The following HS6ST3 variants were observed in gnomAD, a reference collection of about 807,000 sequenced individuals.
HS6ST3 encodes the protein heparan-sulfate 6-O-sulfotransferase 3.
A neutral mutation model predicts 36.7 loss-of-function variants in HS6ST3; 12 were observed. The ratio of observed to expected loss-of-function variants is 0.33; its 90% CI spans 0.21 to 0.53. The LOEUF is 0.53. Ranked by LOEUF, HS6ST3 falls within the 20% of genes least tolerant of loss-of-function variation. HS6ST3 has a pLI of 0.95. For synonymous variants in HS6ST3, 240 were observed against 257.5 expected, an observed-to-expected ratio of 0.93 and a Z score of 0.65; for missense variants, 584 against 640.9, an observed-to-expected ratio of 0.91 and a Z score of 0.96.
chr13:96,788,283 G>A lies in HS6ST3; in HGVS notation c.708-44207G>A, dbSNP rs562392302. On this transcript the variant is annotated intron_variant, in intron 1 of 1. Transcript: ENST00000376705. ...CTATATCTATGAGACATCCTCCTGAGATTTTGATTGGTATTTCACTAAATT... is the reference window on the plus strand; with the variant it reads ...CTATATCTATGAGACATCCTCCTGAAATTTTGATTGGTATTTCACTAAATT... 3.3e-5 allele frequency among the ~76,000 whole-genome samples: 5 copies of A among 151,994 alleles called. No homozygotes were observed. The East Asian group carries it at 9.7e-4, about 29-fold the overall frequency.
chr13:96,541,467 CG>C (rs1297259796), intron 1 of HS6ST3, among the ~76,000 whole-genome samples: 27 of 152,190 alleles, frequency 1.8e-4, no homozygotes, highest in African/African-American at 6.5e-4. Context: ...TGAAAATGTA[CG>C]GGGATTTGGG....
rs569789632 is a variant in HS6ST3 at position 96,156,812 on chromosome 13, AT to A, written c.707+65244del. Reference sequence around the variant, plus strand: ...CATTCATAGCTCATTCAGTAATTACATGAGAAAATATATTAAGAGCTCATAG... The same window carrying A: ...CATTCATAGCTCATTCAGTAATTACAGAGAAAATATATTAAGAGCTCATAG... On this transcript the variant is annotated intron_variant, in intron 1 of 1. Transcript: ENST00000376705. Among the ~76,000 whole-genome samples the A allele has an allele frequency of 3.2e-3, 495 of 152,318 alleles. 2 individuals are homozygous for A. Among genetic ancestry groups the A allele is most frequent in the African/African-American group, 0.012 (485 of 41,568 alleles).
chr13:96,652,066 A>G (rs1300577762), intron 1 of HS6ST3, among the ~76,000 whole-genome samples: 2 of 152,050 alleles, frequency 1.3e-5, no homozygotes, highest in Non-Finnish European at 2.9e-5. Context: ...CTTGTATTAA[A>G]CTTCTATTAT....
At chr13:96,693,063 C>T (rs1323169477) in intron 1 of HS6ST3, among the ~76,000 whole-genome samples, 1 of 152,170 alleles carries the variant, frequency 6.6e-6, no homozygotes, top group Non-Finnish European at 1.5e-5. Context: ...AATCCCAATT[C>T]ATACTTTCAT....
intron 1 of HS6ST3, among the ~76,000 whole-genome samples, chr13:96,510,086 TTTTTA>T (rs150117554): frequency 0.053 from 7,532 of 141,542 alleles, 639 homozygotes; most frequent in African/African-American, 0.18. Context: ...TTCCTAGGTA[TTTTTA>T]TTTTATTTTA....
Position 96,602,354 on chromosome 13 carries a change from T to A in HS6ST3, c.708-230136T>A, listed in dbSNP as rs532737347. 9.9e-5 allele frequency among the ~76,000 whole-genome samples: 15 copies of A among 152,170 alleles called. No individual in the cohort carries two copies. The South Asian group carries it at 2.9e-3, about 29-fold the overall frequency. On this transcript the variant is annotated intron_variant, in intron 1 of 1. Transcript: ENST00000376705. ...TATGTTTTCCTGATTGTTCTTGATC[T>A]TTTTTTTAGCATGATGTCTGTGTAT...
intron 1 of HS6ST3, among the ~76,000 whole-genome samples, chr13:96,709,306 C>T (rs1025488517): frequency 1.3e-5 from 2 of 152,196 alleles, no homozygotes; most frequent in African/African-American, 4.8e-5. Flanking sequence ...TACCCAGTCT[C>T]AGGCATTTCT....
chr13:96,823,981 T>C (rs1878597534), intron 1 of HS6ST3, among the ~76,000 whole-genome samples: 1 of 152,206 alleles, frequency 6.6e-6, no homozygotes, highest in African/African-American at 2.4e-5. Context: ...CATTATTGCG[T>C]ATCCAAGTGG....
intron 1 of HS6ST3, among the ~76,000 whole-genome samples, chr13:96,305,415 G>A (rs999625546): frequency 6.6e-6 from 1 of 152,090 alleles, no homozygotes; most frequent in Non-Finnish European, 1.5e-5. Flanking sequence ...CATCATTTAT[G>A]GAGTTTTCTA....
intron 1 of HS6ST3, among the ~76,000 whole-genome samples, chr13:96,391,630 C>T (rs986842986): frequency 4.6e-5 from 7 of 152,166 alleles, no homozygotes; most frequent in Non-Finnish European, 7.3e-5. Flanking sequence ...GGGGAGGCCT[C>T]ACAATCATGG....
intron 1 of HS6ST3, among the ~76,000 whole-genome samples, chr13:96,489,132 T>C (rs1477186947): frequency 6.6e-6 from 1 of 152,076 alleles, no homozygotes; most frequent in East Asian, 1.9e-4. Flanking sequence ...CTTTATATTA[T>C]AGACATAAAA....
At chr13:96,679,130 C>G (rs2056709507) in intron 1 of HS6ST3, among the ~76,000 whole-genome samples, 1 of 148,454 alleles carries the variant, frequency 6.7e-6, no homozygotes, top group South Asian at 2.2e-4. Flanking sequence ...TCTAGTTTGC[C>G]TCAGCAAAAT....
chr13:96,176,989 A>T (rs2054215296), intron 1 of HS6ST3, among the ~76,000 whole-genome samples: 1 of 152,270 alleles, frequency 6.6e-6, no homozygotes, highest in Non-Finnish European at 1.5e-5. Flanking sequence ...TGAAAAGAAG[A>T]CATACACGCG....
In HS6ST3 at chr13:96,796,138, G is replaced by A. The variant is rs116212254; in HGVS notation, c.708-36352G>A. On this transcript the variant is annotated intron_variant, in intron 1 of 1. Coordinates refer to ENST00000376705, the MANE Select transcript of HS6ST3 (RefSeq NM_153456.4). ...TTTTAAGCAGTATCTAATTTATGCA[G>A]CATTTATGCAGGCTTTAGTTTGTCT... Among the ~76,000 whole-genome samples, 773 of 152,184 alleles carry A rather than the reference G, an allele frequency of 5.1e-3. 8 individuals are homozygous for A. Among genetic ancestry groups the A allele is most frequent in the African/African-American group, 0.018 (745 of 41,560 alleles).
At chr13:96,508,312 C>T (rs1298332107) in intron 1 of HS6ST3, among the ~76,000 whole-genome samples, 3 of 152,016 alleles carry the variant, frequency 2.0e-5, no homozygotes, top group Non-Finnish European at 4.4e-5. Context: ...TATTCCATAA[C>T]TGGCTGGATC....
chr13:96,242,519 C>T lies in HS6ST3; in HGVS notation c.707+150950C>T, dbSNP rs1019644638. ...CAGGCGTGAGCCACTGTGCCCGACC[C>T]AAGTCTATTTTAGGTCCTTACATAA... On this transcript the variant is annotated intron_variant, in intron 1 of 1. Transcript: ENST00000376705. Among the ~76,000 whole-genome samples the T allele has an allele frequency of 4.6e-5, 7 of 152,278 alleles. 1 individual carries two copies. The South Asian group carries it at 1.5e-3, about 32-fold the overall frequency.
chr13:96,173,510 C>T (rs1038175313), intron 1 of HS6ST3, among the ~76,000 whole-genome samples: 14 of 151,994 alleles, frequency 9.2e-5, no homozygotes, highest in Admixed American at 2.6e-4. Context: ...GTCTCATTTA[C>T]GTACTTACCA....
At chr13:96,354,400 G>T (rs962008136) in intron 1 of HS6ST3, among the ~76,000 whole-genome samples, 2 of 152,006 alleles carry the variant, frequency 1.3e-5, no homozygotes, top group Non-Finnish European at 2.9e-5. Flanking sequence ...GTAGGACTGG[G>T]GGGTCTTGAG....
intron 1 of HS6ST3, among the ~76,000 whole-genome samples, chr13:96,601,941 G>A (rs913106811): frequency 6.6e-6 from 1 of 152,104 alleles, no homozygotes; most frequent in Admixed American, 6.6e-5. Flanking sequence ...GTGATGTGCT[G>A]GGTGTGTGAG....
Sources: allele counts gnomAD v4.1 joint callset (sites outside exome capture counted in the v4.1 genomes callset), GRCh38; gene constraint gnomAD v4.1.1; transcripts MANE v1.5; gene names NCBI Gene and HGNC (gene_info 2026-07-23, HGNC 2026-07-21).